The following IFITM3 variants were observed in gnomAD, a reference collection of about 807,000 sequenced individuals.
The protein encoded by IFITM3 is interferon-induced transmembrane protein 3.
IFITM3 carries 5 observed loss-of-function variants against 5.2 expected under a neutral mutation model. The observed-to-expected ratio is 0.96, with a 90% CI of 0.50 to 2.03. The LOEUF is 2.03. Ranked by LOEUF, IFITM3 falls within the 30% of genes most tolerant of loss-of-function variation. The pLI, the probability that IFITM3 is intolerant of heterozygous loss-of-function variation, is 0.01. For missense variants in IFITM3, 156 were observed against 177.3 expected, an observed-to-expected ratio of 0.88 and a Z score of 0.68; for synonymous variants, 81 against 77.6, an observed-to-expected ratio of 1.04 and a Z score of -0.23.
rs1846078571 is a variant in IFITM3, at chr11:319,756, G to A, written c.*82C>T. On this transcript the variant is annotated 3_prime_UTR_variant, in exon 2 of 2. Coordinates refer to ENST00000399808, the MANE Select transcript of IFITM3 (RefSeq NM_021034.3). ...AGGGCTGATACAGGACTCGGCTCCG[G>A]GGGCAGGGCGAGGAATGGAAGTTGG... 2 of 1,584,330 alleles carry A rather than the reference G, an allele frequency of 1.3e-6. No homozygotes were observed. The highest frequency in any genetic ancestry group is 1.7e-5 in the Admixed American group (1 of 59,738).
chr11:320,445 A>G (rs1004126462), intron 1 of IFITM3, 120 bp downstream of exon 1: 4 of 1,445,478 alleles, frequency 2.8e-6, no homozygotes, highest in Admixed American at 3.4e-5. Context: ...CACACGGGAC[A>G]GAGGTGCACA....
At chr11:320,344 C>T in intron 1 of IFITM3, 1 of 842,704 alleles carries the variant, frequency 1.2e-6, no homozygotes, top group Non-Finnish European at 2.0e-6. Flanking sequence ...GCCAGCCAGC[C>T]TCCTGGAGCC....
rs373680984 is a variant in IFITM3, at chr11:319,967, G to A, written c.273C>T (p.Gly91=). 10 of 1,613,898 alleles carry A rather than the reference G, an allele frequency of 6.2e-6. No homozygotes were observed. The highest frequency in any genetic ancestry group is 3.3e-5 in the Admixed American group (2 of 60,016). Residue 91 remains glycine, a synonymous_variant, in exon 2 of 2, where the codon GGC becomes GGT. Coordinates refer to ENST00000399808, the MANE Select transcript of IFITM3 (RefSeq NM_021034.3). ...CATAGGCCTGGGCCCCGGTCACGTC[G>A]CCAACCATCTTCCTGTCCCTAGACT... is the stretch of plus-strand genomic sequence containing the variant. ...SVKSRDRKMV[G]DVTGAQAYAS...
intron 1 of IFITM3, 66 bp from the exon 2 acceptor site, chr11:320,056 T>C: frequency 6.2e-7 from 1 of 1,600,474 alleles, no homozygotes; most frequent in East Asian, 2.2e-5. Flanking sequence ...TATGGCTCCG[T>C]CTCCTCATTG....
At chr11:320,138 C>T in intron 1 of IFITM3, 148 bp from the exon 2 acceptor site, 10 of 841,628 alleles carry the variant, frequency 1.2e-5, no homozygotes, top group East Asian at 2.7e-5. Flanking sequence ...CCAGGAGCCT[C>T]GGGGCTCATC....
rs1361965398 is a variant in IFITM3, at chr11:320,368, G to A, written c.249+197C>T. On this transcript the variant is annotated intron_variant, in intron 1 of 1. Coordinates refer to ENST00000399808, the MANE Select transcript of IFITM3 (RefSeq NM_021034.3). ...CCTCCTGGAGCCTCCTCCTAAACCTGCACTGGGCAGATTCCCCAAGCCACA... is the reference window on the plus strand; with the variant it reads ...CCTCCTGGAGCCTCCTCCTAAACCTACACTGGGCAGATTCCCCAAGCCACA... 7.1e-6 allele frequency: 7 copies of A among 985,772 alleles called. No homozygotes were observed. In the Admixed American group the frequency reaches 1.2e-4, roughly 16 times the overall value. The allele number at this position is 985,772 out of a possible 1,614,324, so 61.1% of individuals were successfully genotyped here. A position where few individuals can be genotyped will look rare whatever the true frequency, so the allele number is the denominator to read the frequency against.
At chr11:320,328 GAGCCAGCC>G in intron 1 of IFITM3, 1 of 778,592 alleles carries the variant, frequency 1.3e-6, no homozygotes, top group Non-Finnish European at 2.2e-6. Context: ...GACAGACTCT[GAGCCAGCC>G]AGCCAGCCTC....
intron 1 of IFITM3, 56 bp from the exon 2 acceptor site, chr11:320,046 T>C (rs2119488002): frequency 3.1e-6 from 5 of 1,604,780 alleles, no homozygotes; most frequent in Non-Finnish European, 4.3e-6. Context: ...AGCCGCGTGC[T>C]ATGGCTCCGT....
intron 1 of IFITM3, 93 bp downstream of exon 1, chr11:320,471 AG>A: frequency 6.5e-7 from 1 of 1,545,550 alleles, no homozygotes; most frequent in South Asian, 1.2e-5. Flanking sequence ...TCACAGTCAC[AG>A]GGACACACAA....
rs1295181395 is a variant in IFITM3, at chr11:319,807, A to G, written c.*31T>C. 4 of 1,613,566 alleles carry G rather than the reference A, an allele frequency of 2.5e-6. No individual in the cohort carries two copies. The African/African-American group carries it at 4.0e-5, about 16-fold the overall frequency. On this transcript the variant is annotated 3_prime_UTR_variant, in exon 2 of 2. Transcript: ENST00000399808. ...AGTACGTGGGATACAGGTCATGGGC[A>G]GAGCTCCTGGCCTCAGTGATGCCTC...
Position 320,816 on chromosome 11 carries a change from T to G in IFITM3, c.-3A>C. 1 of 1,602,736 alleles carries G rather than the reference T, an allele frequency of 6.2e-7. No homozygotes were observed. Among genetic ancestry groups the G allele is most frequent in the Middle Eastern group, 1.8e-4 (1 of 5,700 alleles). On this transcript the variant is annotated 5_prime_UTR_variant, in exon 1 of 2. Coordinates refer to ENST00000399808, the MANE Select transcript of IFITM3 (RefSeq NM_021034.3). ...AAGGTTTGGACAGTGTGATTCATGGTGTCCAGCGAAGACCAGCGGCGGTCG... is the reference window on the plus strand; with the variant it reads ...AAGGTTTGGACAGTGTGATTCATGGGGTCCAGCGAAGACCAGCGGCGGTCG...
In IFITM3 at chr11:319,813, C is replaced by T. The variant is rs769231095; in HGVS notation, c.*25G>A. The T allele has an allele frequency of 6.2e-7, 1 of 1,614,036 alleles. No individual in the cohort carries two copies. Among genetic ancestry groups the T allele is most frequent in the East Asian group, 2.2e-5 (1 of 44,884 alleles). ...TGGGATACAGGTCATGGGCAGAGCTCCTGGCCTCAGTGATGCCTCCTGATC... is the reference window on the plus strand; with the variant it reads ...TGGGATACAGGTCATGGGCAGAGCTTCTGGCCTCAGTGATGCCTCCTGATC... On this transcript the variant is annotated 3_prime_UTR_variant, in exon 2 of 2. Coordinates refer to ENST00000399808, the MANE Select transcript of IFITM3 (RefSeq NM_021034.3).
chr11:320,277 G>A (rs1169406518), intron 1 of IFITM3: 1 of 701,686 alleles, frequency 1.4e-6, no homozygotes. Flanking sequence ...ATTTCTTACT[G>A]GGCTATAGGG....
chr11:320,502 T>A, intron 1 of IFITM3, 63 bp downstream of exon 1: 1 of 1,596,388 alleles, frequency 6.3e-7, no homozygotes, highest in Admixed American at 1.7e-5. Flanking sequence ...CCAGGCAGCA[T>A]GTGGGCAGGT....
intron 1 of IFITM3, 103 bp from the exon 2 acceptor site, chr11:320,093 C>T: frequency 1.3e-6 from 2 of 1,523,454 alleles, no homozygotes. Flanking sequence ...GATCAGGGAC[C>T]ACCTCCTCCC....
rs537139132 is a variant in IFITM3 at position 320,639 on chromosome 11, C to T, written c.175G>A (p.Val59Ile). Residue 59 changes from valine to isoleucine, a missense_variant, in exon 1 of 2, where the codon GTC becomes ATC. Physicochemically the swap from Val to Ile is conservative, Grantham distance 29. Transcript: ENST00000399808. ...AAGAGGGTGTTGAACAGGGACCAGA[C>T]GACATGGTCGGGCACGGAGGTCTCG... ...RSETSVPDHVVWSLFNTLFMN... is the reference protein window; with the variant it reads ...RSETSVPDHVIWSLFNTLFMN... 1.1e-4 allele frequency: 172 copies of T among 1,613,840 alleles called. No homozygotes were observed. In the East Asian group the frequency reaches 2.5e-3, roughly 23 times the overall value.
At chr11:320,321 A>C (rs1846085746) in intron 1 of IFITM3, 2 of 752,934 alleles carry the variant, frequency 2.7e-6, no homozygotes, top group Non-Finnish European at 4.6e-6. Context: ...AGCCGGGGAC[A>C]GACTCTGAGC....
At position 320,656 on chromosome 11, in the gene IFITM3, G is replaced by A; in HGVS notation, c.158C>T (p.Ser53Phe). Residue 53 changes from serine to phenylalanine, a missense_variant, in exon 1 of 2, where the codon TCC becomes TTC. Coordinates refer to ENST00000399808, the MANE Select transcript of IFITM3 (RefSeq NM_021034.3). ...GGACCAGACGACATGGTCGGGCACG[G>A]AGGTCTCGCTGCGGATGTGGATCAC... ...STVIHIRSET[S>F]VPDHVVWSLF... is the part of the protein sequence containing the mutation. The A allele has an allele frequency of 2.5e-6, 4 of 1,613,914 alleles. No individual in the cohort carries two copies. Among genetic ancestry groups the A allele is most frequent in the Non-Finnish European group, 3.4e-6 (4 of 1,179,874 alleles).
rs748795161 is a variant in IFITM3 at position 320,612 on chromosome 11, T to A, written c.202A>T (p.Met68Leu). The A allele has an allele frequency of 6.5e-5, 105 of 1,613,590 alleles. No homozygotes were observed. The highest frequency in any genetic ancestry group is 5.0e-4 in the Middle Eastern group (3 of 6,018). ...ATGAAGCCCAGGCAGCAGGGGTTCA[T>A]GAAGAGGGTGTTGAACAGGGACCAG... ...VVWSLFNTLF[M>L]NPCCLGFIAF... Residue 68 changes from methionine (M) to leucine (L), a missense_variant, in exon 1 of 2, where the codon ATG (methionine) becomes TTG (leucine). Met to Leu is a conservative substitution (Grantham distance 15). Coordinates refer to ENST00000399808, the MANE Select transcript of IFITM3 (RefSeq NM_021034.3).
Sources: allele counts gnomAD v4.1 joint callset, GRCh38; gene constraint gnomAD v4.1.1; transcripts MANE v1.5; gene names NCBI Gene and HGNC (gene_info 2026-07-23, HGNC 2026-07-21).